The following ERBB4 variants were observed in gnomAD, a reference collection of about 807,000 sequenced individuals.
The protein encoded by ERBB4 is receptor tyrosine-protein kinase erbB-4.
ERBB4 carries 42 observed loss-of-function variants against 158.0 expected under a neutral mutation model. The ratio of observed to expected loss-of-function variants is 0.27; its 90% CI spans 0.21 to 0.34. ERBB4 has a LOEUF of 0.34. ERBB4 is among the 10% of genes least tolerant of loss of function. The probability of loss-of-function intolerance (pLI) is 1.00; values close to 1 mark genes in which losing one functional copy is unlikely to be tolerated. For synonymous variants in ERBB4, 583 were observed against 558.7 expected, an observed-to-expected ratio of 1.04 and a Z score of -0.61; for missense variants, 1,333 against 1,624.1, an observed-to-expected ratio of 0.82 and a Z score of 3.08.
intron 20 of ERBB4, among the ~76,000 whole-genome samples, chr2:211,519,260 G>T (rs1574657481): frequency 6.6e-6 from 1 of 152,182 alleles, no homozygotes; most frequent in Non-Finnish European, 1.5e-5. Flanking sequence ...CATTATTTAA[G>T]GTAATTATAG....
intron 2 of ERBB4, among the ~76,000 whole-genome samples, chr2:212,119,679 T>G (rs1470055461): frequency 6.6e-6 from 1 of 152,156 alleles, no homozygotes; most frequent in East Asian, 1.9e-4. Context: ...TCCTTGGTAG[T>G]TGAATGTTAA....
chr2:211,904,232 G>T (rs1180382818), intron 3 of ERBB4, among the ~76,000 whole-genome samples: 1 of 152,032 alleles, frequency 6.6e-6, no homozygotes, highest in Admixed American at 6.6e-5. Context: ...TGCACACAGA[G>T]CATAATATAA....
chr2:211,477,764 A>G (rs754018312), intron 20 of ERBB4, among the ~76,000 whole-genome samples: 1 of 152,156 alleles, frequency 6.6e-6, no homozygotes, highest in Non-Finnish European at 1.5e-5. Flanking sequence ...TAAATTTGCT[A>G]AGAATTTTAA....
At chr2:212,285,644 A>G (rs2085931694) in intron 1 of ERBB4, among the ~76,000 whole-genome samples, 1 of 152,176 alleles carries the variant, frequency 6.6e-6, no homozygotes, top group Admixed American at 6.5e-5. Context: ...AAATATATGG[A>G]ATGCAAAGTC....
chr2:212,075,288 T>C (rs1359186756), intron 2 of ERBB4, among the ~76,000 whole-genome samples: 1 of 151,934 alleles, frequency 6.6e-6, no homozygotes, highest in Non-Finnish European at 1.5e-5. Context: ...TGGTATAGGA[T>C]ATTCAGGAAT....
chr2:212,383,426 C>A (rs1251788257), intron 1 of ERBB4, among the ~76,000 whole-genome samples: 1 of 151,478 alleles, frequency 6.6e-6, no homozygotes, highest in African/African-American at 2.4e-5. Flanking sequence ...AGGAAAGAAA[C>A]AAGAGTATCA....
At chr2:212,121,732 T>C (rs7576561) in intron 2 of ERBB4, among the ~76,000 whole-genome samples, 78,059 of 151,858 alleles carry the variant, frequency 0.51, 20,825 homozygotes, top group Non-Finnish European at 0.58. Flanking sequence ...GAGTCACATG[T>C]GATTTATTTG....
chr2:211,954,975 C>A (rs772489124), intron 2 of ERBB4, among the ~76,000 whole-genome samples: 1 of 151,968 alleles, frequency 6.6e-6, no homozygotes, highest in South Asian at 2.1e-4. Flanking sequence ...TTCATTTTTC[C>A]CATTGTTTTT....
rs563015496 is a variant in ERBB4, at chr2:211,379,854, C to A, written c.*3761G>T. 1 of 231,882 alleles carries A rather than the reference C, an allele frequency of 4.3e-6. No individual in the cohort carries two copies. The highest frequency in any genetic ancestry group is 8.5e-6 in the Non-Finnish European group (1 of 117,310). The allele number at this position is 231,882 out of a possible 1,614,324, so 14.4% of individuals were successfully genotyped here. On this transcript the variant is annotated 3_prime_UTR_variant, in exon 28 of 28. Coordinates refer to ENST00000342788, the MANE Select transcript of ERBB4 (RefSeq NM_005235.3). Reference sequence around the variant, plus strand: ...TACATCCTTCCCTGTCAGGCTTAAACAATTTTAATTTTCTTTTCATTTTTG... The same window carrying A: ...TACATCCTTCCCTGTCAGGCTTAAAAAATTTTAATTTTCTTTTCATTTTTG...
At chr2:212,049,928 A>C (rs1237729598) in intron 2 of ERBB4, among the ~76,000 whole-genome samples, 1 of 152,186 alleles carries the variant, frequency 6.6e-6, no homozygotes, top group Non-Finnish European at 1.5e-5. Flanking sequence ...ATGACCCATC[A>C]ATAGAAAATA....
intron 16 of ERBB4, among the ~76,000 whole-genome samples, chr2:211,636,043 A>T (rs530910779): frequency 5.3e-5 from 8 of 152,124 alleles, no homozygotes; most frequent in Non-Finnish European, 7.4e-5. Flanking sequence ...TTGTTGCATC[A>T]GATGTAGACC....
intron 3 of ERBB4, among the ~76,000 whole-genome samples, chr2:211,914,900 T>C (rs2079645620): frequency 6.6e-6 from 1 of 152,132 alleles, no homozygotes; most frequent in Non-Finnish European, 1.5e-5. Context: ...TAAGCAACTT[T>C]TCAGGTCTAC....
At chr2:211,853,987 C>T (rs1459283671) in intron 3 of ERBB4, among the ~76,000 whole-genome samples, 3 of 151,996 alleles carry the variant, frequency 2.0e-5, no homozygotes, top group African/African-American at 7.2e-5. Context: ...CAATATGAAC[C>T]TTTTAACCCA....
chr2:211,548,259 T>A (rs1006122627), intron 20 of ERBB4, among the ~76,000 whole-genome samples: 1 of 151,646 alleles, frequency 6.6e-6, no homozygotes, highest in African/African-American at 2.4e-5. Flanking sequence ...AGGTGCTTTA[T>A]CACCGATTTG....
chr2:211,415,025 T>C (rs989637438), intron 25 of ERBB4, among the ~76,000 whole-genome samples: 1 of 151,476 alleles, frequency 6.6e-6, no homozygotes, highest in African/African-American at 2.4e-5. Flanking sequence ...ATTATTATTA[T>C]TACTATTTTT....
chr2:212,480,487 T>C (rs987543639), intron 1 of ERBB4, among the ~76,000 whole-genome samples: 9 of 152,224 alleles, frequency 5.9e-5, no homozygotes, highest in Admixed American at 5.9e-4. Context: ...AGCTTGATAG[T>C]ATTTTCCTTG....
chr2:211,872,844 G>A (rs1272868703), intron 3 of ERBB4, among the ~76,000 whole-genome samples: 2 of 151,408 alleles, frequency 1.3e-5, no homozygotes, highest in Admixed American at 1.3e-4. Context: ...TAATTCAGTA[G>A]GCTTTATTGG....
At position 212,487,389 on chromosome 2, in the gene ERBB4, A is replaced by T. The variant is rs915766256; in HGVS notation, c.82+51060T>A. ...GGAAAAACACTATAAAATCCTTATCAGAATATAAAATTCACTTTAGCAAAC... is the reference window on the plus strand; with the variant it reads ...GGAAAAACACTATAAAATCCTTATCTGAATATAAAATTCACTTTAGCAAAC... On this transcript the variant is annotated intron_variant, in intron 1 of 27. Coordinates refer to ENST00000342788, the MANE Select transcript of ERBB4 (RefSeq NM_005235.3). Among the ~76,000 whole-genome samples the T allele has an allele frequency of 3.9e-5, 6 of 152,262 alleles. No individual in the cohort carries two copies. In the East Asian group the frequency reaches 7.7e-4, roughly 20 times the overall value.
At chr2:211,924,346 A>C (rs1304920586) in intron 3 of ERBB4, among the ~76,000 whole-genome samples, 6 of 152,314 alleles carry the variant, frequency 3.9e-5, no homozygotes, top group Middle Eastern at 3.4e-3. Context: ...AAATTTAGAT[A>C]TTAATACTAC....
Sources: gnomAD v4.1 joint callset for allele counts (sites outside exome capture counted in the v4.1 genomes callset) on GRCh38, gnomAD v4.1.1 for gene constraint, MANE v1.5 for transcripts, NCBI Gene and HGNC (gene_info 2026-07-23, HGNC 2026-07-21) for gene names.